FER: variants seen among roughly 807,000 people sequenced by gnomAD.
FER encodes tyrosine-protein kinase Fer.
Under a neutral mutation model 111.0 loss-of-function variants are expected in FER, and 63 were observed. The ratio of observed to expected loss-of-function variants is 0.57; its 90% CI spans 0.46 to 0.70. The LOEUF is 0.70. Ranked by LOEUF, FER falls within the 30% of genes least tolerant of loss-of-function variation. The probability of loss-of-function intolerance (pLI) is 0.00; values close to 1 mark genes in which losing one functional copy is unlikely to be tolerated. For synonymous variants in FER, 327 were observed against 313.9 expected (o/e 1.04, Z -0.44); for missense variants, 914 against 954.0 (o/e 0.96, Z 0.55).
At chr5:108,848,180 T>C (rs965433292) in intron 5 of FER, among the ~76,000 whole-genome samples, 3 of 152,204 alleles carry the variant, frequency 2.0e-5, no homozygotes, top group Admixed American at 2.0e-4. Context: ...ACATCTGACC[T>C]ATCTATATTC....
intron 13 of FER, among the ~76,000 whole-genome samples, chr5:109,028,281 A>C (rs748285064): frequency 6.6e-6 from 1 of 152,216 alleles, no homozygotes; most frequent in Non-Finnish European, 1.5e-5. Context: ...TAATGAATGC[A>C]GTAGATGAAG....
At chr5:109,119,639 A>T (rs1750711643) in intron 17 of FER, among the ~76,000 whole-genome samples, 1 of 151,874 alleles carries the variant, frequency 6.6e-6, no homozygotes. Flanking sequence ...ATTGTGTGGG[A>T]GTCTAAGTCT....
chr5:108,944,907 C>G (rs1328379268), intron 10 of FER, among the ~76,000 whole-genome samples: 1 of 152,110 alleles, frequency 6.6e-6, no homozygotes, highest in Non-Finnish European at 1.5e-5. Context: ...TGCTTTGTAA[C>G]TTAATATAAG....
intron 16 of FER, among the ~76,000 whole-genome samples, chr5:109,095,652 G>A (rs141802408): frequency 0.012 from 1,807 of 152,084 alleles, 29 homozygotes; most frequent in African/African-American, 0.041. Flanking sequence ...ATTCATTGTC[G>A]TTTATATTTG....
chr5:109,147,707 T>A (rs866370423), intron 17 of FER, among the ~76,000 whole-genome samples: 4 of 151,700 alleles, frequency 2.6e-5, no homozygotes, highest in South Asian at 2.1e-4. Flanking sequence ...GATGTAACTT[T>A]TTGAAAAGTA....
intron 7 of FER, 29 bp from the exon 8 acceptor site, chr5:108,872,064 G>T: frequency 1.2e-6 from 2 of 1,602,364 alleles, no homozygotes; most frequent in South Asian, 1.1e-5. Context: ...TATTTACAAT[G>T]ATCAAAATTA....
intron 10 of FER, among the ~76,000 whole-genome samples, chr5:108,898,120 A>T (rs1345041794): frequency 6.6e-6 from 1 of 152,176 alleles, no homozygotes; most frequent in Non-Finnish European, 1.5e-5. Context: ...TATTCCTGGG[A>T]GACAGCAGGA....
chr5:109,060,236 A>T (rs1365362746), intron 16 of FER, among the ~76,000 whole-genome samples: 1 of 152,218 alleles, frequency 6.6e-6, no homozygotes, highest in Non-Finnish European at 1.5e-5. Flanking sequence ...GTCAAAACTC[A>T]TTGAATTGTA....
intron 5 of FER, among the ~76,000 whole-genome samples, chr5:108,845,041 C>CATATATAT (rs1232663960): frequency 2.2e-5 from 1 of 46,392 alleles, no homozygotes; most frequent in Non-Finnish European, 4.1e-5. Context: ...TATATATATA[C>CATATATAT]ATATATATAT....
Position 108,976,041 on chromosome 5 carries a change from T to C in FER, c.1656+16694T>C, listed in dbSNP as rs576038726. ...AGAAGCAACCTCAGGGCCACAGATA[T>C]AGATATGGGAGTCACCAATATGTAG... On this transcript the variant is annotated intron_variant, in intron 13 of 19. Coordinates refer to ENST00000281092, the MANE Select transcript of FER (RefSeq NM_005246.4). 5.3e-5 allele frequency among the ~76,000 whole-genome samples: 8 copies of C among 152,272 alleles called. No homozygotes were observed. In the South Asian group the frequency reaches 1.0e-3, roughly 20 times the overall value.
intron 10 of FER, among the ~76,000 whole-genome samples, chr5:108,912,184 G>T (rs1302829423): frequency 6.6e-6 from 1 of 152,062 alleles, no homozygotes; most frequent in East Asian, 1.9e-4. Context: ...CCAGTCTCAG[G>T]TATGTCTTTA....
In FER at chr5:109,160,301, A is replaced by T. The variant is rs183577720; in HGVS notation, c.2049-20446A>T. Among the ~76,000 whole-genome samples, 10 of 152,268 alleles carry T rather than the reference A, an allele frequency of 6.6e-5. No individual in the cohort carries two copies. In the South Asian group the frequency reaches 1.0e-3, roughly 16 times the overall value. ...AATCAAACGACAGGGATGAAAAGAG[A>T]TTCATGAGGCATCCTGTCCACCAGG... On this transcript the variant is annotated intron_variant, in intron 17 of 19. Coordinates refer to ENST00000281092, the MANE Select transcript of FER (RefSeq NM_005246.4).
At chr5:108,898,989 A>G (rs1749600801) in intron 10 of FER, among the ~76,000 whole-genome samples, 1 of 151,828 alleles carries the variant, frequency 6.6e-6, no homozygotes, top group South Asian at 2.1e-4. Context: ...AACTTACAGA[A>G]CTATTATAGT....
chr5:108,884,624 C>A (rs930076813), intron 9 of FER, among the ~76,000 whole-genome samples: 2 of 151,612 alleles, frequency 1.3e-5, no homozygotes, highest in East Asian at 3.9e-4. Flanking sequence ...TCCTTGTGCT[C>A]ACTTTTAAAA....
chr5:108,866,833 C>G (rs1350431275), intron 5 of FER, among the ~76,000 whole-genome samples: 1 of 152,098 alleles, frequency 6.6e-6, no homozygotes, highest in Non-Finnish European at 1.5e-5. Context: ...AGTTTAAGAT[C>G]TGCTTAAAAT....
intron 5 of FER, among the ~76,000 whole-genome samples, chr5:108,866,328 C>T (rs1306454306): frequency 6.6e-6 from 1 of 152,016 alleles, no homozygotes; most frequent in Non-Finnish European, 1.5e-5. Flanking sequence ...AGCAGACTGT[C>T]ACAAGGACAA....
At chr5:108,992,221 G>C (rs1452634193) in intron 13 of FER, among the ~76,000 whole-genome samples, 1 of 152,208 alleles carries the variant, frequency 6.6e-6, no homozygotes, top group Non-Finnish European at 1.5e-5. Context: ...AGGATCCCAA[G>C]GCAGAAGAAT....
intron 13 of FER, among the ~76,000 whole-genome samples, chr5:108,992,263 C>G (rs1411853490): frequency 6.6e-6 from 1 of 152,206 alleles, no homozygotes; most frequent in Non-Finnish European, 1.5e-5. Context: ...GAAAAGTCTC[C>G]CATGTCTACT....
chr5:109,170,380 A>C (rs559470828), intron 17 of FER, among the ~76,000 whole-genome samples: 1 of 152,196 alleles, frequency 6.6e-6, no homozygotes, highest in Non-Finnish European at 1.5e-5. Context: ...TTATCAAGAT[A>C]AAATGAATAG....
Sources: gnomAD v4.1 joint callset for allele counts (sites outside exome capture counted in the v4.1 genomes callset) on GRCh38, gnomAD v4.1.1 for gene constraint, MANE v1.5 for transcripts, NCBI Gene and HGNC (gene_info 2026-07-23, HGNC 2026-07-21) for gene names.